Variants in CFAP54 observed in about 807,000 individuals in gnomAD.
CFAP54 encodes the protein cilia and flagella associated protein 54.
A neutral mutation model predicts 370.4 loss-of-function variants in CFAP54; 290 were observed. That is an observed-to-expected ratio of 0.78 (90% CI 0.71 to 0.86). The LOEUF (loss-of-function observed/expected upper bound fraction) is 0.86. Ranked by LOEUF, CFAP54 falls within the 40% of genes least tolerant of loss-of-function variation. CFAP54 has a pLI of 0.00. For missense variants in CFAP54, 3,399 were observed against 3,528.7 expected, an observed-to-expected ratio of 0.96 and a Z score of 0.93; for synonymous variants, 1,206 against 1,236.5, an observed-to-expected ratio of 0.98 and a Z score of 0.52.
At chr12:96,491,863 G>A (rs1224932847) in intron 1 of CFAP54, among the ~76,000 whole-genome samples, 3 of 152,110 alleles carry the variant, frequency 2.0e-5, no homozygotes, top group Non-Finnish European at 4.4e-5. Flanking sequence ...AGGTTTAAGC[G>A]ATTCTTGTGC....
intron 50 of CFAP54, among the ~76,000 whole-genome samples, chr12:96,721,405 T>C (rs1476047939): frequency 6.6e-6 from 1 of 152,230 alleles, no homozygotes; most frequent in East Asian, 1.9e-4. Context: ...ACTCTCTCAC[T>C]GCCAGGCTCT....
chr12:96,687,928 A>T (rs1565942837), intron 42 of CFAP54, among the ~76,000 whole-genome samples: 1 of 152,172 alleles, frequency 6.6e-6, no homozygotes, highest in Non-Finnish European at 1.5e-5. Flanking sequence ...ACAGAAAGTC[A>T]TTTCCTGGTT....
chr12:96,644,146 T>C (rs1221838582), intron 32 of CFAP54, 32 bp from the exon 33 acceptor site: 1 of 1,372,958 alleles, frequency 7.3e-7, no homozygotes, highest in Non-Finnish European at 9.9e-7. Flanking sequence ...AAAGTTCTTG[T>C]GTAATTTCAA....
intron 66 of CFAP54, among the ~76,000 whole-genome samples, chr12:96,856,033 G>A (rs1959695261): frequency 6.6e-6 from 1 of 152,200 alleles, no homozygotes; most frequent in Non-Finnish European, 1.5e-5. Context: ...TGCACCCACA[G>A]GCTCAACACC....
intron 19 of CFAP54, among the ~76,000 whole-genome samples, chr12:96,573,483 C>A (rs897428681): frequency 6.6e-6 from 1 of 152,040 alleles, no homozygotes; most frequent in African/African-American, 2.4e-5. Flanking sequence ...CCTCAGGGAG[C>A]CAAAGCTGCT....
intron 66 of CFAP54, among the ~76,000 whole-genome samples, chr12:96,837,108 C>T (rs1959188552): frequency 6.6e-6 from 1 of 152,172 alleles, no homozygotes; most frequent in Non-Finnish European, 1.5e-5. Flanking sequence ...AGGTATGAGC[C>T]ACTGTGCCAG....
intron 8 of CFAP54, among the ~76,000 whole-genome samples, chr12:96,522,568 G>A (rs1331649066): frequency 1.3e-5 from 2 of 152,200 alleles, no homozygotes. Context: ...GGAGAAGATG[G>A]AGGCACCTTT....
At chr12:96,768,386 G>T (rs1189235496) in intron 60 of CFAP54, among the ~76,000 whole-genome samples, 1 of 151,742 alleles carries the variant, frequency 6.6e-6, no homozygotes, top group Non-Finnish European at 1.5e-5. Flanking sequence ...GGTGCGGTGG[G>T]TTATGGCTAT....
Position 96,685,094 on chromosome 12 carries a change from C to T in CFAP54, c.5870C>T (p.Thr1957Met), listed in dbSNP as rs201837194. The T allele has an allele frequency of 2.0e-4, 319 of 1,613,998 alleles. No individual in the cohort carries two copies. The highest frequency in any genetic ancestry group is 2.5e-4 in the Non-Finnish European group (294 of 1,180,016). The change falls in exon 42 of 68, where the codon ACG becomes ATG. Residue 1957 changes from threonine (T) to methionine (M), a missense_variant. By Grantham distance (81) the Thr-to-Met change is moderately conservative. Coordinates refer to ENST00000524981, the MANE Select transcript of CFAP54 (RefSeq NM_001306084.2). ...TTCAGAAAACCAGACGTGCTACACA[C>T]GTGGAAAGAATTTGGCCCCTCACTC... Reference protein sequence around the residue: ...DIFRKPDVLHTWKEFGPSLTN... With the variant: ...DIFRKPDVLHMWKEFGPSLTN...
At position 96,538,467 on chromosome 12, in the gene CFAP54, T is replaced by A. The variant is rs762243902; in HGVS notation, c.1875T>A (p.Asn625Lys). Residue 625 changes from asparagine (N) to lysine (K), a missense_variant, in exon 13 of 68, where the codon AAT becomes AAA. Asn to Lys is a moderately conservative substitution (Grantham distance 94). This residue lies in a region of CFAP54 where 2,796 missense variants were observed against 2,869.7 expected (regional missense o/e 0.97). Transcript: ENST00000524981. ...GCAAATTAGGAATTCAGCGGCTCAA[T>A]ATATCCAGAAATGACTATGCAAAAT... ...QKCKLGIQRLNISRNDYAKFT... is the reference protein window; with the variant it reads ...QKCKLGIQRLKISRNDYAKFT... 78 of 1,536,044 alleles carry A rather than the reference T, an allele frequency of 5.1e-5. 1 individual carries two copies. The highest frequency in any genetic ancestry group is 1.7e-6 in the Non-Finnish European group (2 of 1,146,856).
chr12:96,535,970 A>G (rs1002621565), intron 12 of CFAP54, among the ~76,000 whole-genome samples: 2 of 152,234 alleles, frequency 1.3e-5, no homozygotes, highest in Non-Finnish European at 2.9e-5. Flanking sequence ...AAAATGACCT[A>G]TAAGAGGGTA....
At chr12:96,655,161 T>C (rs1350177260) in intron 36 of CFAP54, among the ~76,000 whole-genome samples, 1 of 151,462 alleles carries the variant, frequency 6.6e-6, no homozygotes, top group African/African-American at 2.4e-5. Flanking sequence ...ATGGAACAAA[T>C]AGAATCTGAA....
chr12:96,698,222 T>A (rs1162703895), intron 45 of CFAP54, among the ~76,000 whole-genome samples: 1 of 152,210 alleles, frequency 6.6e-6, no homozygotes, highest in Non-Finnish European at 1.5e-5. Context: ...GTTGAACAAA[T>A]TTAAGTAAGA....
chr12:96,743,089 TGTTA>T (rs1341732025), intron 52 of CFAP54, among the ~76,000 whole-genome samples: 2 of 152,176 alleles, frequency 1.3e-5, no homozygotes, highest in Admixed American at 6.5e-5. Context: ...CACATGTAAA[TGTTA>T]GTTCTTGCAG....
chr12:96,552,271 A>G (rs561195791), intron 15 of CFAP54, among the ~76,000 whole-genome samples: 24 of 151,852 alleles, frequency 1.6e-4, no homozygotes, highest in Admixed American at 1.6e-3. Context: ...AAAAAAGAAT[A>G]AAAGAAAGTA....
intron 60 of CFAP54, among the ~76,000 whole-genome samples, chr12:96,771,460 G>A (rs1334931196): frequency 2.0e-5 from 3 of 152,138 alleles, no homozygotes; most frequent in African/African-American, 7.2e-5. Context: ...AGACCATCCT[G>A]GCTAACACGG....
chr12:96,808,097 T>C (rs1958899493), intron 63 of CFAP54, among the ~76,000 whole-genome samples: 1 of 152,112 alleles, frequency 6.6e-6, no homozygotes, highest in African/African-American at 2.4e-5. Flanking sequence ...TAACTTAGAG[T>C]CAGTCTTTTG....
intron 65 of CFAP54, among the ~76,000 whole-genome samples, chr12:96,819,237 C>T (rs966064865): frequency 6.6e-6 from 1 of 152,198 alleles, no homozygotes; most frequent in African/African-American, 2.4e-5. Flanking sequence ...CATGTCTCCT[C>T]ATGCCAGCAT....
intron 3 of CFAP54, among the ~76,000 whole-genome samples, chr12:96,505,866 CTG>C (rs1372072961): frequency 7.9e-5 from 12 of 152,236 alleles, no homozygotes; most frequent in Admixed American, 7.2e-4. Flanking sequence ...GAGCCTGTAA[CTG>C]TTTTCCCTCC....
Sources: allele counts gnomAD v4.1 joint callset (sites outside exome capture counted in the v4.1 genomes callset), GRCh38; gene constraint gnomAD v4.1.1; regional missense constraint gnomAD v4.1.1; transcripts MANE v1.5; gene names NCBI Gene and HGNC (gene_info 2026-07-23, HGNC 2026-07-21).